HDDC2: variants seen among roughly 807,000 people sequenced by gnomAD.
HDDC2 encodes the protein 5'-deoxynucleotidase HDDC2.
A neutral mutation model predicts 25.5 loss-of-function variants in HDDC2; 25 were observed. The ratio of observed to expected loss-of-function variants is 0.98; its 90% CI spans 0.72 to 1.37. The LOEUF (loss-of-function observed/expected upper bound fraction) is 1.37, where lower values mean the gene tolerates loss of function less well. HDDC2 is among the 40% of genes most tolerant of loss of function. HDDC2 has a pLI of 0.00. For missense variants in HDDC2, 264 were observed against 253.1 expected, an observed-to-expected ratio of 1.04 and a Z score of -0.29; for synonymous variants, 106 against 89.7, an observed-to-expected ratio of 1.18 and a Z score of -1.03.
intron 4 of HDDC2, among the ~76,000 whole-genome samples, chr6:125,286,790 C>T (rs1157098793): frequency 1.3e-5 from 2 of 152,134 alleles, no homozygotes; most frequent in African/African-American, 4.8e-5. Context: ...AGCATATTTA[C>T]CCCCCTTTTC....
chr6:125,281,702 T>C (rs1173087793), intron 4 of HDDC2, among the ~76,000 whole-genome samples: 7 of 152,090 alleles, frequency 4.6e-5, no homozygotes, highest in Admixed American at 4.6e-4. Context: ...TATGGGACTA[T>C]GTGAAAAGAC....
rs1005508850 is a variant in HDDC2, at chr6:125,275,398, T to G, written c.*748A>C. On this transcript the variant is annotated 3_prime_UTR_variant, in exon 6 of 6. Coordinates refer to ENST00000398153, the MANE Select transcript of HDDC2 (RefSeq NM_016063.3). ...AAAAGAGAGGAAGAAATCGGGTTGA[T>G]ATATTCCCTACCTGAGGCTCAATGA... 6.6e-6 allele frequency: 1 copy of G among 152,226 alleles called. No homozygotes were observed. The highest frequency in any genetic ancestry group is 1.5e-5 in the Non-Finnish European group (1 of 68,038). 9.4% of individuals were successfully genotyped at this position (152,226 alleles called of 1,614,324 possible).
chr6:125,277,385 A>G (rs939354643), intron 4 of HDDC2, 145 bp from the exon 5 acceptor site: 5 of 692,894 alleles, frequency 7.2e-6, no homozygotes, highest in African/African-American at 5.4e-5. Flanking sequence ...TTAGAAATCC[A>G]TCAGAGACAC....
In HDDC2 at chr6:125,292,819, G is replaced by GT. The variant is rs755756088; in HGVS notation, c.378+21dup. The GT allele has an allele frequency of 7.0e-6, 11 of 1,575,496 alleles. 1 individual carries two copies. In the South Asian group the frequency reaches 1.2e-4, roughly 17 times the overall value. On this transcript the variant is annotated intron_variant, in intron 4 of 5. Transcript: ENST00000398153. ...TAAATTCAGATACAAATTAAAAACA[G>GT]TAACGTACCATATATACTTACTTCC... is the stretch of plus-strand genomic sequence containing the variant.
At chr6:125,299,885 G>A (rs1004044480) in intron 2 of HDDC2, among the ~76,000 whole-genome samples, 1 of 152,012 alleles carries the variant, frequency 6.6e-6, no homozygotes. Flanking sequence ...CTACCTCTCT[G>A]GCTACGTTAA....
At position 125,292,924 on chromosome 6, in the gene HDDC2, C is replaced by T; in HGVS notation, c.310-15G>A. ...TTCATAGCTTCCTGAAATATTAAAC[C>T]ATTATCTTTAATTATATTGACATTT... On this transcript the variant is annotated splice_polypyrimidine_tract_variant and intron_variant, in intron 3 of 5. Transcript: ENST00000398153. 2 of 1,583,308 alleles carry T rather than the reference C, an allele frequency of 1.3e-6. No homozygotes were observed. The highest frequency in any genetic ancestry group is 2.2e-5 in the South Asian group (2 of 90,502).
chr6:125,286,758 C>T (rs897106066), intron 4 of HDDC2, among the ~76,000 whole-genome samples: 1 of 152,146 alleles, frequency 6.6e-6, no homozygotes. Flanking sequence ...CTGGAACGCC[C>T]TGCCATTTCT....
chr6:125,281,152 T>C (rs1278618908), intron 4 of HDDC2, among the ~76,000 whole-genome samples: 2 of 151,956 alleles, frequency 1.3e-5, no homozygotes, highest in Admixed American at 6.6e-5. Context: ...CAGAAAGCAA[T>C]AGCATCAACA....
chr6:125,301,091 G>C (rs1348739492), intron 1 of HDDC2, among the ~76,000 whole-genome samples: 2 of 152,024 alleles, frequency 1.3e-5, no homozygotes, highest in Non-Finnish European at 2.9e-5. Flanking sequence ...AAGGGATAAG[G>C]GCACTTCTAA....
In HDDC2 at chr6:125,297,462, G is replaced by A. The variant is rs943682842; in HGVS notation, c.309+1252C>T. 39 of 397,874 alleles carry A rather than the reference G, an allele frequency of 9.8e-5. No homozygotes were observed. The South Asian group carries it at 4.9e-3, about 50-fold the overall frequency. The allele number at this position is 397,874 out of a possible 1,614,324, so 24.6% of individuals were successfully genotyped here. A position where few individuals can be genotyped will look rare whatever the true frequency, so the allele number is the denominator to read the frequency against. On this transcript the variant is annotated intron_variant, in intron 3 of 5. Transcript: ENST00000398153. ...TTGGAACTCTTAAACTGGGACTCTC[G>A]TTCCTTGTGGCTCTTCTTACCTTTG...
intron 3 of HDDC2, among the ~76,000 whole-genome samples, chr6:125,296,071 A>G (rs1201794785): frequency 6.6e-6 from 1 of 152,066 alleles, no homozygotes; most frequent in Admixed American, 6.6e-5. Flanking sequence ...TTGGTCCTCC[A>G]TATCTGTGGG....
chr6:125,275,501 G>C lies in HDDC2; in HGVS notation c.*645C>G, dbSNP rs954539679. ...GGTCTCAAGATTTATAAGTCAGACA[G>C]GGAAAAATATACAAAGGAATACAAG... is the stretch of plus-strand genomic sequence containing the variant. On this transcript the variant is annotated 3_prime_UTR_variant, in exon 6 of 6. Transcript: ENST00000398153. The C allele has an allele frequency of 6.6e-6, 1 of 152,188 alleles. No homozygotes were observed. Among genetic ancestry groups the C allele is most frequent in the Non-Finnish European group, 1.5e-5 (1 of 68,046 alleles). 9.4% of individuals were successfully genotyped at this position (152,188 alleles called of 1,614,324 possible).
At chr6:125,301,689 G>C (rs1199803861) in intron 1 of HDDC2, among the ~76,000 whole-genome samples, 160 bp downstream of exon 1, 1 of 152,218 alleles carries the variant, frequency 6.6e-6, no homozygotes, top group African/African-American at 2.4e-5. Flanking sequence ...CGTCGGCAAC[G>C]CGCGGCCGCA....
chr6:125,288,439 A>G (rs918981194), intron 4 of HDDC2, among the ~76,000 whole-genome samples: 7 of 152,018 alleles, frequency 4.6e-5, no homozygotes, highest in African/African-American at 1.4e-4. Context: ...ACAGGAGAGG[A>G]CTCAGACTGG....
At chr6:125,295,410 C>A (rs1204724699) in intron 3 of HDDC2, among the ~76,000 whole-genome samples, 1 of 152,190 alleles carries the variant, frequency 6.6e-6, no homozygotes, top group Admixed American at 6.5e-5. Flanking sequence ...CAGATCCAGA[C>A]TGGGTTTCAA....
intron 4 of HDDC2, among the ~76,000 whole-genome samples, chr6:125,284,927 A>G (rs1374370134): frequency 6.6e-6 from 1 of 152,226 alleles, no homozygotes; most frequent in African/African-American, 2.4e-5. Flanking sequence ...ATGCCCATCA[A>G]TGTTAGACTG....
chr6:125,286,789 AC>A (rs1562440942), intron 4 of HDDC2, among the ~76,000 whole-genome samples: 1 of 152,088 alleles, frequency 6.6e-6, no homozygotes, highest in Non-Finnish European at 1.5e-5. Context: ...AAGCATATTT[AC>A]CCCCCTTTTC....
chr6:125,299,646 C>T lies in HDDC2; in HGVS notation c.207-830G>A, dbSNP rs191519997. On this transcript the variant is annotated intron_variant, in intron 2 of 5. Transcript: ENST00000398153. ...TTTCTGGTCCAGTTCAAATCCCAGA[C>T]TACTCCAAACTGCATCTCTATTGGA... Among the ~76,000 whole-genome samples, 15 of 152,324 alleles carry T rather than the reference C, an allele frequency of 9.8e-5. No homozygotes were observed. The South Asian group carries it at 2.7e-3, about 27-fold the overall frequency.
At chr6:125,285,973 G>A (rs1028258382) in intron 4 of HDDC2, among the ~76,000 whole-genome samples, 1 of 152,048 alleles carries the variant, frequency 6.6e-6, no homozygotes, top group African/African-American at 2.4e-5. Flanking sequence ...AGGATCCCGG[G>A]ACCTTAAATC....
Sources: allele counts gnomAD v4.1 joint callset (sites outside exome capture counted in the v4.1 genomes callset), GRCh38; gene constraint gnomAD v4.1.1; transcripts MANE v1.5; gene names NCBI Gene and HGNC (gene_info 2026-07-23, HGNC 2026-07-21).